Variants in ABHD8 observed in about 807,000 individuals in gnomAD.
The protein encoded by ABHD8 is protein ABHD8.
ABHD8 carries 10 observed loss-of-function variants against 29.3 expected under a neutral mutation model. The ratio of observed to expected loss-of-function variants is 0.34; its 90% CI spans 0.21 to 0.58. The LOEUF is 0.58. ABHD8 is among the 20% of genes least tolerant of loss of function. The pLI, the probability that ABHD8 is intolerant of heterozygous loss-of-function variation, is 0.85. For missense variants in ABHD8, 556 were observed against 615.3 expected, an observed-to-expected ratio of 0.90 and a Z score of 1.02; for synonymous variants, 282 against 274.6, an observed-to-expected ratio of 1.03 and a Z score of -0.27.
intron 1 of ABHD8, among the ~76,000 whole-genome samples, chr19:17,302,624 G>A (rs960234082): frequency 6.6e-6 from 1 of 152,162 alleles, no homozygotes; most frequent in Non-Finnish European, 1.5e-5. Flanking sequence ...GGGCCAAGCT[G>A]AGGCCCAGAC....
Position 17,301,202 on chromosome 19 carries a change from C to T in ABHD8, c.415G>A (p.Gly139Ser), listed in dbSNP as rs946527902. The T allele has an allele frequency of 2.0e-5, 32 of 1,598,814 alleles. No individual in the cohort carries two copies. Among genetic ancestry groups the T allele is most frequent in the Non-Finnish European group, 2.7e-5 (32 of 1,175,422 alleles). ...GRLAPGSAGSGSGSGSGGRRR... is the reference protein window; with the variant it reads ...GRLAPGSAGSSSGSGSGGRRR... ...CGCCCACCACTGCCACTGCCGCTGC[C>T]GCTGCCTGCGCTGCCGGGGGCCAAG... Residue 139 changes from glycine to serine, a missense_variant, in exon 2 of 5, where the codon GGC becomes AGC. This residue lies in a region of ABHD8 where 286 missense variants were observed against 261.4 expected (regional missense o/e 1.09). Coordinates refer to ENST00000247706, the MANE Select transcript of ABHD8 (RefSeq NM_024527.5).
Position 17,301,353 on chromosome 19 carries a change from C to T in ABHD8, c.264G>A (p.Gly88=), listed in dbSNP as rs1159210410. The T allele has an allele frequency of 6.2e-7, 1 of 1,609,986 alleles. No homozygotes were observed. The change falls in exon 2 of 5, where the codon GGG becomes GGA. Residue 88 remains glycine, a synonymous_variant. Transcript: ENST00000247706. The stretch of plus-strand genomic sequence containing the variant: ...GGCCCAGGTTTTCCACCAGCAACCG[C>T]CCATTGCGGTACACGGTGATCCGGC... ...CQRRITVYRN[G]RLLVENLGRA...
chr19:17,298,735 C>CTTTTTTTTT (rs34731394), intron 2 of ABHD8, among the ~76,000 whole-genome samples: 1 of 70,420 alleles, frequency 1.4e-5, no homozygotes, highest in African/African-American at 6.0e-5. Flanking sequence ...AACAACACTG[C>CTTTTTTTTT]TTTTTTTTTT....
intron 2 of ABHD8, among the ~76,000 whole-genome samples, chr19:17,295,560 C>T (rs146666257): frequency 1.6e-3 from 242 of 152,232 alleles, no homozygotes; most frequent in African/African-American, 5.7e-3. Flanking sequence ...GCATGCACCA[C>T]CACACCTGGC....
At chr19:17,293,992 A>T (rs984242543) in intron 4 of ABHD8, among the ~76,000 whole-genome samples, 7 of 152,116 alleles carry the variant, frequency 4.6e-5, no homozygotes, top group African/African-American at 1.7e-4. Context: ...TCTCATACAA[A>T]TCCTCCGCTG....
intron 2 of ABHD8, among the ~76,000 whole-genome samples, chr19:17,295,208 C>A (rs2074088610): frequency 6.6e-6 from 1 of 150,984 alleles, no homozygotes; most frequent in Non-Finnish European, 1.5e-5. Flanking sequence ...CGGGTTCACG[C>A]CATTCTCCTG....
rs2074130940 is a variant in ABHD8 at position 17,303,396 on chromosome 19, T to C, written c.-163A>G. 1 of 152,162 alleles carries C rather than the reference T, an allele frequency of 6.6e-6. No individual in the cohort carries two copies. The highest frequency in any genetic ancestry group is 2.1e-4 in the South Asian group (1 of 4,832). 9.4% of individuals were successfully genotyped at this position (152,162 alleles called of 1,614,324 possible). A position where few individuals can be genotyped will look rare whatever the true frequency, so the allele number is the denominator to read the frequency against. The stretch of plus-strand genomic sequence containing the variant: ...GCCCCTGGCGGTCAGCGCAGGGGCA[T>C]CCCGCGGCCGCCGAAACAGCCGGCC... On this transcript the variant is annotated 5_prime_UTR_variant, in exon 1 of 5. It removes an upstream start codon present in the reference 5' UTR. Coordinates refer to ENST00000247706, the MANE Select transcript of ABHD8 (RefSeq NM_024527.5).
In ABHD8 at chr19:17,294,588, C is replaced by A. The variant is rs1433650899; in HGVS notation, c.933-84G>T. The A allele has an allele frequency of 2.9e-5, 47 of 1,605,758 alleles. No individual in the cohort carries two copies. In the South Asian group the frequency reaches 4.0e-4, roughly 14 times the overall value. On this transcript the variant is annotated intron_variant, in intron 3 of 4. Transcript: ENST00000247706. The stretch of plus-strand genomic sequence containing the variant: ...CCCCCGATGCCAGCCCTAGTCCCAG[C>A]GGTACAGTCCCCCCTCCCATCCAAC...
chr19:17,300,275 A>C (rs1186641373), intron 2 of ABHD8, among the ~76,000 whole-genome samples: 1 of 148,360 alleles, frequency 6.7e-6, no homozygotes, highest in Non-Finnish European at 1.5e-5. Flanking sequence ...GTGTGATCAC[A>C]GTTCACTGCA....
chr19:17,300,984 G>C lies in ABHD8; in HGVS notation c.633C>G (p.Ala211=). ...GGGGCGCAGAGCTGGCCCCGTGGCC[G>C]GCCAGGTCAGGAGCCACCACCTCAT... The part of the protein sequence containing the change: ...LGYEVVAPDL[A]GHGASSAPQV... Residue 211 remains alanine (A), a synonymous_variant, in exon 2 of 5, where the codon GCC becomes GCG. Coordinates refer to ENST00000247706, the MANE Select transcript of ABHD8 (RefSeq NM_024527.5). 1 of 1,613,458 alleles carries C rather than the reference G, an allele frequency of 6.2e-7. No individual in the cohort carries two copies. Among genetic ancestry groups the C allele is most frequent in the Non-Finnish European group, 8.5e-7 (1 of 1,180,022 alleles).
intron 4 of ABHD8, among the ~76,000 whole-genome samples, chr19:17,293,245 G>A (rs1176660181): frequency 1.3e-5 from 2 of 151,586 alleles, no homozygotes; most frequent in African/African-American, 4.9e-5. Flanking sequence ...ACAGGCACGC[G>A]CCACTACACC....
rs564498276 is a variant in ABHD8, at chr19:17,294,698, G to A, written c.909C>T (p.Pro303=). Residue 303 remains proline, a synonymous_variant, in exon 3 of 5, where the codon CCC becomes CCT. Coordinates refer to ENST00000247706, the MANE Select transcript of ABHD8 (RefSeq NM_024527.5). The part of the protein sequence containing the change: ...MPTCVLHCLS[P]CLAWSFLKAG... The stretch of plus-strand genomic sequence containing the variant: ...ACTTGAGGAAGCTCCAGGCCAGGCA[G>A]GGCGACAAGCAGTGCAGGACGCAGG... The A allele has an allele frequency of 6.2e-7, 1 of 1,614,064 alleles. No homozygotes were observed. The highest frequency in any genetic ancestry group is 2.2e-5 in the East Asian group (1 of 44,880).
chr19:17,300,270 AT>A (rs2074111490), intron 2 of ABHD8, among the ~76,000 whole-genome samples: 1 of 151,292 alleles, frequency 6.6e-6, no homozygotes, highest in African/African-American at 2.4e-5. Context: ...CAGTGGTGTG[AT>A]CACAGTTCAC....
chr19:17,292,586 TGCAGACCTGGC>T lies in ABHD8; in HGVS notation c.*64_*74del. On this transcript the variant is annotated 3_prime_UTR_variant, in exon 5 of 5. Transcript: ENST00000247706. ...AACGGCCCGCCCAGGTGGTCTGCGC[TGCAGACCTGGC>T]GCAGGCTCGGGCCTCCTCCTGCTGC... 2 of 1,467,578 alleles carry T rather than the reference TGCAGACCTGGC, an allele frequency of 1.4e-6. No individual in the cohort carries two copies. Among genetic ancestry groups the T allele is most frequent in the Non-Finnish European group, 9.1e-7 (1 of 1,100,876 alleles). 90.9% of individuals were successfully genotyped at this position (1,467,578 alleles called of 1,614,324 possible).
intron 2 of ABHD8, among the ~76,000 whole-genome samples, chr19:17,299,234 A>ACC (rs34604672): frequency 0.25 from 32,547 of 128,008 alleles, 4,485 homozygotes; most frequent in African/African-American, 0.37. Flanking sequence ...ACATAATGAG[A>ACC]CCCCCCCCCC....
intron 2 of ABHD8, among the ~76,000 whole-genome samples, chr19:17,295,078 C>A (rs1319727542): frequency 6.6e-6 from 1 of 150,604 alleles, no homozygotes; most frequent in African/African-American, 2.5e-5. Flanking sequence ...CGCACACCAC[C>A]ACACCCAGGT....
At chr19:17,299,029 A>T (rs138354410) in intron 2 of ABHD8, among the ~76,000 whole-genome samples, 132 of 152,310 alleles carry the variant, frequency 8.7e-4, no homozygotes, top group African/African-American at 3.0e-3. Flanking sequence ...GGCGTAAGCC[A>T]CTGCACCTGG....
At chr19:17,294,950 GTT>G (rs2074087184) in intron 2 of ABHD8, 105 bp from the exon 3 acceptor site, 15 of 1,353,700 alleles carry the variant, frequency 1.1e-5, no homozygotes, top group African/African-American at 2.9e-5. Flanking sequence ...GTTTGAGACA[GTT>G]TTACTCTGTC....
In ABHD8 at chr19:17,303,322, A is replaced by G. The variant is rs1378526007; in HGVS notation, c.-89T>C. The G allele has an allele frequency of 6.6e-6, 1 of 152,248 alleles. No homozygotes were observed. The highest frequency in any genetic ancestry group is 2.4e-5 in the African/African-American group (1 of 41,456). The allele number at this position is 152,248 out of a possible 1,614,324, so 9.4% of individuals were successfully genotyped here. ...CAGCGTCCGCCTGCTGGCGCCGTTT[A>G]CATGGTGGCGCGGGGTCAGGCCGGG... On this transcript the variant is annotated 5_prime_UTR_variant, in exon 1 of 5. An upstream open reading frame in the 5' UTR loses its in-frame stop. Transcript: ENST00000247706.
Sources: allele counts gnomAD v4.1 joint callset (sites outside exome capture counted in the v4.1 genomes callset), GRCh38; gene constraint gnomAD v4.1.1; regional missense constraint gnomAD v4.1.1; transcripts MANE v1.5; gene names NCBI Gene and HGNC (gene_info 2026-07-23, HGNC 2026-07-21).